CSMD1: variants seen among roughly 807,000 people sequenced by gnomAD.
The protein encoded by CSMD1 is CUB and sushi domain-containing protein 1.
A neutral mutation model predicts 417.5 loss-of-function variants in CSMD1; 213 were observed. The observed-to-expected ratio is 0.51, with a 90% CI of 0.46 to 0.57. The LOEUF is 0.57. Among genes scored for constraint, CSMD1 ranks in the 20% least tolerant of loss-of-function variants. CSMD1 has a pLI of 0.00. For missense variants in CSMD1, 6,923 were observed against 4,529.7 expected (o/e 1.53, Z -15.17); for synonymous variants, 2,862 against 1,736.8 (o/e 1.65, Z -16.11).
intron 41 of CSMD1, among the ~76,000 whole-genome samples, chr8:3,123,202 C>G (rs1817306258): frequency 6.6e-6 from 1 of 152,204 alleles, no homozygotes; most frequent in African/African-American, 2.4e-5. Flanking sequence ...GACACACACA[C>G]CCCTCATCTG....
intron 3 of CSMD1, among the ~76,000 whole-genome samples, chr8:4,051,792 G>C (rs551618270): frequency 2.0e-5 from 3 of 152,246 alleles, no homozygotes; most frequent in South Asian, 2.1e-4. Flanking sequence ...AGGTGTGATG[G>C]ACACCATACA....
intron 12 of CSMD1, among the ~76,000 whole-genome samples, chr8:3,423,173 T>C (rs1373063301): frequency 6.6e-6 from 1 of 152,212 alleles, no homozygotes; most frequent in Non-Finnish European, 1.5e-5. Flanking sequence ...ATGAATTAGG[T>C]ACCACAAATT....
intron 25 of CSMD1, among the ~76,000 whole-genome samples, chr8:3,291,345 A>C (rs1211162722): frequency 2.3e-5 from 2 of 87,176 alleles, no homozygotes; most frequent in African/African-American, 9.0e-5. Flanking sequence ...CCCATAAAAT[A>C]AGTTAGGGAG....
intron 3 of CSMD1, among the ~76,000 whole-genome samples, chr8:4,122,006 A>C (rs1309296444): frequency 2.6e-5 from 4 of 152,082 alleles, no homozygotes; most frequent in Non-Finnish European, 5.9e-5. Flanking sequence ...TTTAATCATT[A>C]AGAATAATTT....
At chr8:4,478,429 T>G (rs749833556) in intron 2 of CSMD1, among the ~76,000 whole-genome samples, 1 of 152,188 alleles carries the variant, frequency 6.6e-6, no homozygotes, top group Non-Finnish European at 1.5e-5. Context: ...ATCTTGTCAG[T>G]AAGTCACAAA....
chr8:3,197,332 G>C (rs1368120111), intron 33 of CSMD1, among the ~76,000 whole-genome samples: 1 of 152,170 alleles, frequency 6.6e-6, no homozygotes, highest in Non-Finnish European at 1.5e-5. Flanking sequence ...ACAAGGGTTA[G>C]CTATCCTACA....
intron 2 of CSMD1, among the ~76,000 whole-genome samples, chr8:4,554,555 T>C (rs570399860): frequency 2.0e-5 from 3 of 152,190 alleles, no homozygotes; most frequent in Admixed American, 1.3e-4. Flanking sequence ...TTGAGTTGTA[T>C]GGAAGTTAAG....
intron 12 of CSMD1, among the ~76,000 whole-genome samples, chr8:3,433,913 A>C (rs760125426): frequency 8.5e-5 from 13 of 152,186 alleles, no homozygotes; most frequent in African/African-American, 1.7e-4. Flanking sequence ...CCCTGGACTA[A>C]GGTGCTCAAC....
chr8:4,599,539 T>C (rs549506724), intron 2 of CSMD1, among the ~76,000 whole-genome samples: 1 of 151,886 alleles, frequency 6.6e-6, no homozygotes, highest in East Asian at 1.9e-4. Flanking sequence ...GTGCACAATA[T>C]ATAAAATTAC....
At position 3,740,715 on chromosome 8, in the gene CSMD1, G is replaced by C. The variant is rs115511787; in HGVS notation, c.931+13215C>G. On this transcript the variant is annotated intron_variant, in intron 6 of 69. Coordinates refer to ENST00000635120, the MANE Select transcript of CSMD1 (RefSeq NM_033225.6). ...GAAGCAAACAAAACAAACTGCAAAC[G>C]AAGAGTCTAAAAGACTTGGTACCTA... Among the ~76,000 whole-genome samples, 1,205 of 152,250 alleles carry C rather than the reference G, an allele frequency of 7.9e-3. 22 individuals carry two copies. The highest frequency in any genetic ancestry group is 0.028 in the African/African-American group (1,146 of 41,532).
intron 3 of CSMD1, among the ~76,000 whole-genome samples, chr8:4,310,167 C>T (rs1257028242): frequency 6.6e-6 from 1 of 152,160 alleles, no homozygotes; most frequent in African/African-American, 2.4e-5. Flanking sequence ...CCAGGTATTG[C>T]ATCAGACCAT....
At chr8:4,395,043 C>T (rs994003611) in intron 3 of CSMD1, among the ~76,000 whole-genome samples, 1 of 152,166 alleles carries the variant, frequency 6.6e-6, no homozygotes, top group Non-Finnish European at 1.5e-5. Context: ...TCCCATATCC[C>T]TTTCCCGTGC....
intron 41 of CSMD1, among the ~76,000 whole-genome samples, chr8:3,134,567 C>A (rs867318313): frequency 6.6e-6 from 1 of 152,148 alleles, no homozygotes; most frequent in Non-Finnish European, 1.5e-5. Context: ...TAGGGATGGT[C>A]GAGTGGTTTT....
At chr8:3,763,219 A>G (rs1798105695) in intron 5 of CSMD1, among the ~76,000 whole-genome samples, 1 of 152,164 alleles carries the variant, frequency 6.6e-6, no homozygotes, top group East Asian at 1.9e-4. Flanking sequence ...TGACTATATG[A>G]AACCCTCGAT....
At chr8:3,728,189 G>A (rs1463193846) in intron 6 of CSMD1, among the ~76,000 whole-genome samples, 1 of 152,160 alleles carries the variant, frequency 6.6e-6, no homozygotes, top group Non-Finnish European at 1.5e-5. Flanking sequence ...TGTTCTCATG[G>A]TAGTGAATAA....
chr8:3,915,869 T>C (rs1808784765), intron 5 of CSMD1, among the ~76,000 whole-genome samples: 2 of 149,738 alleles, frequency 1.3e-5, no homozygotes, highest in South Asian at 2.2e-4. Context: ...TTTTCAATTG[T>C]TTTTGAATAA....
At chr8:4,797,596 T>C (rs1002478641) in intron 1 of CSMD1, among the ~76,000 whole-genome samples, 5 of 152,026 alleles carry the variant, frequency 3.3e-5, no homozygotes, top group Non-Finnish European at 5.9e-5. Context: ...TTCCAGGGTA[T>C]GGGGGGAGAG....
chr8:4,277,463 T>C (rs1425349569), intron 3 of CSMD1, among the ~76,000 whole-genome samples: 1 of 152,114 alleles, frequency 6.6e-6, no homozygotes, highest in African/African-American at 2.4e-5. Flanking sequence ...CACCACATAC[T>C]TAAATGTACC....
In CSMD1 at chr8:3,052,562, T is replaced by C. The variant is rs543888466; in HGVS notation, c.7560A>G (p.Glu2520=). ...EFTLDSKVVY[E]CHEGFKLESS... ...ATTCAAGCTTGAAGCCCTCATGACATTCATAGACCACTTTACTGTCCAAAG... is the reference window on the plus strand; with the variant it reads ...ATTCAAGCTTGAAGCCCTCATGACACTCATAGACCACTTTACTGTCCAAAG... Residue 2520 remains glutamate, a synonymous_variant, in exon 50 of 70, where the codon GAA becomes GAG. Transcript: ENST00000635120. The C allele has an allele frequency of 3.7e-6, 6 of 1,610,592 alleles. No homozygotes were observed. In the East Asian group the frequency reaches 1.3e-4, roughly 36 times the overall value.
Sources: allele counts gnomAD v4.1 joint callset (sites outside exome capture counted in the v4.1 genomes callset), GRCh38; gene constraint gnomAD v4.1.1; transcripts MANE v1.5; gene names NCBI Gene and HGNC (gene_info 2026-07-23, HGNC 2026-07-21).